Variants in AKAP6 observed in about 807,000 individuals in gnomAD.
AKAP6 encodes the protein A-kinase anchoring protein 6.
Under a neutral mutation model 188.5 loss-of-function variants are expected in AKAP6, and 58 were observed. That is an observed-to-expected ratio of 0.31 (90% CI 0.25 to 0.38). The LOEUF is 0.38. AKAP6 is among the 10% of genes least tolerant of loss of function. The pLI is 1.00. For missense variants in AKAP6, 2,710 were observed against 2,740.0 expected (o/e 0.99, Z 0.24); for synonymous variants, 989 against 998.6 (o/e 0.99, Z 0.18).
chr14:32,615,749 C>T (rs1466489556), intron 7 of AKAP6, among the ~76,000 whole-genome samples: 2 of 151,934 alleles, frequency 1.3e-5, no homozygotes, highest in Non-Finnish European at 2.9e-5. Context: ...GCGCCCGCCA[C>T]CACACCCAGC....
intron 1 of AKAP6, among the ~76,000 whole-genome samples, chr14:32,347,206 G>C (rs973813396): frequency 6.6e-6 from 1 of 152,232 alleles, no homozygotes; most frequent in African/African-American, 2.4e-5. Flanking sequence ...TAGGGATTAA[G>C]TCTCAGGCAA....
At chr14:32,624,855 A>T (rs1171340472) in intron 7 of AKAP6, among the ~76,000 whole-genome samples, 1 of 152,034 alleles carries the variant, frequency 6.6e-6, no homozygotes, top group African/African-American at 2.4e-5. Context: ...AGTCCTAATA[A>T]TTTTTTTGAA....
intron 8 of AKAP6, among the ~76,000 whole-genome samples, chr14:32,688,444 AG>A (rs2139672942): frequency 6.6e-6 from 1 of 152,312 alleles, no homozygotes; most frequent in East Asian, 1.9e-4. Flanking sequence ...TTTAGGAAAA[AG>A]TAAAGTAAGA....
At chr14:32,550,991 C>T (rs1449089972) in intron 4 of AKAP6, among the ~76,000 whole-genome samples, 1 of 152,130 alleles carries the variant, frequency 6.6e-6, no homozygotes, top group East Asian at 1.9e-4. Flanking sequence ...ATTATGTCAT[C>T]CCTCTGCTCC....
intron 7 of AKAP6, chr14:32,627,980 T>C (rs1352735206): frequency 6.6e-6 from 1 of 152,110 alleles, no homozygotes; most frequent in Admixed American, 6.6e-5. Context: ...CGAAGGATTA[T>C]ATGGCAGGGC....
chr14:32,701,586 T>G (rs765931618), intron 9 of AKAP6, among the ~76,000 whole-genome samples: 2 of 152,088 alleles, frequency 1.3e-5, no homozygotes, highest in Non-Finnish European at 2.9e-5. Context: ...TTCTGAGGAA[T>G]AGGAAATATA....
At chr14:32,473,167 A>G (rs1013301902) in intron 2 of AKAP6, among the ~76,000 whole-genome samples, 5 of 152,336 alleles carry the variant, frequency 3.3e-5, no homozygotes, top group African/African-American at 7.2e-5. Context: ...TTGAAGCAAT[A>G]CTTATAACAT....
At position 32,822,630 on chromosome 14, in the gene AKAP6, A is replaced by T. The variant is rs369137731; in HGVS notation, c.4817A>T (p.Asn1606Ile). Residue 1606 changes from asparagine to isoleucine, a missense_variant, in exon 13 of 14, where the codon AAT (asparagine) becomes ATT (isoleucine). By Grantham distance (149) the Asn-to-Ile change is moderately radical. This residue lies in a region of AKAP6 where 2,473 missense variants were observed against 2,426.1 expected (regional missense o/e 1.02). Transcript: ENST00000280979. ...LESWLTSYKS[N>I]EDLFSCHSSG... is the part of the protein sequence containing the mutation. ...AGTTGGTTGACTTCCTATAAAAGCA[A>T]TGAAGATCTCTTTAGCTGTCACAGC... 1 of 1,613,928 alleles carries T rather than the reference A, an allele frequency of 6.2e-7. No homozygotes were observed. The highest frequency in any genetic ancestry group is 8.5e-7 in the Non-Finnish European group (1 of 1,179,976).
rs1345682665 is a variant in AKAP6, at chr14:32,830,438, G to A, written c.*633G>A. On this transcript the variant is annotated 3_prime_UTR_variant, in exon 14 of 14. Transcript: ENST00000280979. ...CAGCATTTCAAGAAACAACCATATG[G>A]TGTTGTATATTATAAACTGGTGACA... is the stretch of plus-strand genomic sequence containing the variant. 1 of 153,244 alleles carries A rather than the reference G, an allele frequency of 6.5e-6. No individual in the cohort carries two copies. The highest frequency in any genetic ancestry group is 1.5e-5 in the Non-Finnish European group (1 of 68,582). The allele number at this position is 153,244 out of a possible 1,614,324, so 9.5% of individuals were successfully genotyped here. A position where few individuals can be genotyped will look rare whatever the true frequency, so the allele number is the denominator to read the frequency against.
intron 7 of AKAP6, among the ~76,000 whole-genome samples, chr14:32,639,837 T>G (rs1887678962): frequency 6.6e-6 from 1 of 152,074 alleles, no homozygotes; most frequent in Non-Finnish European, 1.5e-5. Context: ...TATTAGTGAT[T>G]ATGAAACTGG....
At chr14:32,572,709 A>C (rs2139248769) in intron 4 of AKAP6, among the ~76,000 whole-genome samples, 1 of 152,356 alleles carries the variant, frequency 6.6e-6, no homozygotes, top group South Asian at 2.1e-4. Flanking sequence ...GCCTCTAGCA[A>C]ATTATTTTTC....
At chr14:32,333,340 C>T (rs1566447643) in intron 1 of AKAP6, among the ~76,000 whole-genome samples, 1 of 152,140 alleles carries the variant, frequency 6.6e-6, no homozygotes. Flanking sequence ...TTGTTTTGAT[C>T]GCATGGATTC....
intron 4 of AKAP6, among the ~76,000 whole-genome samples, chr14:32,549,534 G>A (rs1334076941): frequency 6.6e-6 from 1 of 152,176 alleles, no homozygotes; most frequent in Non-Finnish European, 1.5e-5. Context: ...CATACCTAAA[G>A]TAGGTATGGA....
At chr14:32,475,539 T>C (rs79172052) in intron 2 of AKAP6, among the ~76,000 whole-genome samples, 5,584 of 152,274 alleles carry the variant, frequency 0.037, 339 homozygotes, top group African/African-American at 0.13. Context: ...CAAAAAGGCA[T>C]GCTATGAATT....
intron 2 of AKAP6, among the ~76,000 whole-genome samples, chr14:32,483,887 C>T (rs1000938833): frequency 5.3e-5 from 8 of 151,830 alleles, no homozygotes; most frequent in South Asian, 2.1e-4. Flanking sequence ...ATCAACCTGT[C>T]GTCTACATTA....
At chr14:32,434,022 C>T (rs1890304483) in intron 2 of AKAP6, 5 of 563,402 alleles carry the variant, frequency 8.9e-6, no homozygotes, top group Non-Finnish European at 1.5e-5. Flanking sequence ...TAGAATACAA[C>T]TGGCCTTTGG....
At chr14:32,686,814 A>G (rs527542064) in intron 8 of AKAP6, among the ~76,000 whole-genome samples, 1 of 151,966 alleles carries the variant, frequency 6.6e-6, no homozygotes, top group African/African-American at 2.4e-5. Context: ...AGGGACTTCC[A>G]CTCCTGTGGT....
intron 2 of AKAP6, 72 bp downstream of exon 2, chr14:32,433,889 G>A: frequency 2.1e-6 from 3 of 1,402,552 alleles, no homozygotes; most frequent in Admixed American, 2.0e-5. Context: ...ACTGTGTTCT[G>A]TAATTTCCAG....
intron 9 of AKAP6, among the ~76,000 whole-genome samples, chr14:32,731,417 A>T (rs11627423): frequency 2.0e-5 from 3 of 151,824 alleles, no homozygotes; most frequent in South Asian, 2.1e-4. Context: ...ATTTGCCCAG[A>T]GAAAAGTTTT....
Sources: allele counts gnomAD v4.1 joint callset (sites outside exome capture counted in the v4.1 genomes callset), GRCh38; gene constraint gnomAD v4.1.1; regional missense constraint gnomAD v4.1.1; transcripts MANE v1.5; gene names NCBI Gene and HGNC (gene_info 2026-07-23, HGNC 2026-07-21).